PREX1: variants seen among roughly 807,000 people sequenced by gnomAD.
PREX1 encodes the protein phosphatidylinositol-3,4,5-trisphosphate dependent Rac exchange factor 1, also known as phosphatidylinositol 3,4,5-trisphosphate-dependent Rac exchanger 1 protein.
In PREX1, 41 loss-of-function variants were observed where a neutral mutation model predicts 198.3. The observed-to-expected ratio is 0.21, with a 90% CI of 0.16 to 0.27. PREX1 has a LOEUF of 0.27. PREX1 is among the 10% of genes least tolerant of loss of function. PREX1 has a pLI of 1.00. For missense variants in PREX1, 1,620 were observed against 2,200.7 expected (o/e 0.74, Z 5.28); for synonymous variants, 843 against 887.2 (o/e 0.95, Z 0.89).
intron 8 of PREX1, among the ~76,000 whole-genome samples, chr20:48,692,033 T>C (rs777581093): frequency 1.3e-5 from 2 of 152,024 alleles, no homozygotes; most frequent in Non-Finnish European, 2.9e-5. Flanking sequence ...GGGACCACAG[T>C]TGCACGCCAC....
At chr20:48,866,279 A>G in the PREX1 span, among the ~76,000 whole-genome samples, 3 of 152,208 alleles carry the variant, frequency 2.0e-5, no homozygotes, top group Non-Finnish European at 4.4e-5. Flanking sequence ...GCAGGTCCAA[A>G]TCAAAATGAG....
chr20:48,760,708 C>G (rs2090175588), intron 1 of PREX1, among the ~76,000 whole-genome samples: 1 of 152,102 alleles, frequency 6.6e-6, no homozygotes, highest in African/African-American at 2.4e-5. Flanking sequence ...GACAAGTCCT[C>G]TCCGAGTACC....
chr20:48,720,210 C>T (rs1456671876), intron 5 of PREX1, among the ~76,000 whole-genome samples: 1 of 152,178 alleles, frequency 6.6e-6, no homozygotes, highest in Non-Finnish European at 1.5e-5. Context: ...TTATCTAAAC[C>T]TGCAACCCCC....
At position 48,639,842 on chromosome 20, in the gene PREX1, A is replaced by C; in HGVS notation, c.3828T>G (p.Ile1276Met). The C allele has an allele frequency of 1.2e-6, 2 of 1,614,008 alleles. No homozygotes were observed. The highest frequency in any genetic ancestry group is 1.1e-5 in the South Asian group (1 of 91,082). ...GGTTCCAGGGGTCCTCCTGGATGCT[A>C]ATCTGGATCAGGCTCCGGCCACGGA... ...CTIRGRSLIQISIQEDPWNLP... is the reference protein window; with the variant it reads ...CTIRGRSLIQMSIQEDPWNLP... Residue 1276 changes from isoleucine (I) to methionine (M), a missense_variant, in exon 30 of 40, where the codon ATT (isoleucine) becomes ATG (methionine). Ile to Met is a conservative substitution (Grantham distance 10). Around this residue, in one of 7 missense-constraint regions of PREX1, gnomAD observed 476 missense variants for 603.4 expected, o/e 0.79. Coordinates refer to ENST00000371941, the MANE Select transcript of PREX1 (RefSeq NM_020820.4).
At chr20:48,803,662 TG>T (rs1429646999) in intron 1 of PREX1, among the ~76,000 whole-genome samples, 1 of 152,158 alleles carries the variant, frequency 6.6e-6, no homozygotes, top group Non-Finnish European at 1.5e-5. Context: ...TCTGATATCC[TG>T]GAAGTCGTGC....
At chr20:48,786,316 C>T (rs575237227) in intron 1 of PREX1, among the ~76,000 whole-genome samples, 1 of 152,284 alleles carries the variant, frequency 6.6e-6, no homozygotes, top group African/African-American at 2.4e-5. Flanking sequence ...AAGGGCTAGG[C>T]AAACCTACCC....
At chr20:48,770,639 T>C (rs1345978107) in intron 1 of PREX1, among the ~76,000 whole-genome samples, 2 of 151,932 alleles carry the variant, frequency 1.3e-5, no homozygotes, top group African/African-American at 2.4e-5. Flanking sequence ...AAACCTGGGA[T>C]GCAGAGGTTG....
intron 1 of PREX1, among the ~76,000 whole-genome samples, chr20:48,760,569 T>A (rs1196532162): frequency 6.6e-6 from 1 of 152,018 alleles, no homozygotes; most frequent in Admixed American, 6.5e-5. Flanking sequence ...GAGGTTTAAG[T>A]GAAATGATGC....
chr20:48,742,743 T>C lies in PREX1; in HGVS notation c.414+2282A>G, dbSNP rs369931281. Among the ~76,000 whole-genome samples, 55 of 152,106 alleles carry C rather than the reference T, an allele frequency of 3.6e-4. No individual in the cohort carries two copies. In the East Asian group the frequency reaches 9.7e-3, roughly 27 times the overall value. On this transcript the variant is annotated intron_variant, in intron 3 of 39. Transcript: ENST00000371941. ...CTCCCCGTCCCCAGCCCCCCAGCCC[T>C]CCGCTGCATCTCTGAGCAAGTCAGG... is the stretch of plus-strand genomic sequence containing the variant.
chr20:48,754,246 A>G (rs1180966870), intron 1 of PREX1, among the ~76,000 whole-genome samples: 1 of 152,210 alleles, frequency 6.6e-6, no homozygotes, highest in Non-Finnish European at 1.5e-5. Context: ...TCGAGGAGGC[A>G]GGCATTGTTA....
At chr20:48,632,954 G>A (rs966924044) in intron 33 of PREX1, among the ~76,000 whole-genome samples, 3 of 152,208 alleles carry the variant, frequency 2.0e-5, no homozygotes, top group Non-Finnish European at 4.4e-5. Context: ...CCTACTTAGG[G>A]GGTCCACAGC....
intron 35 of PREX1, 131 bp from the exon 36 acceptor site, chr20:48,630,925 C>CGCCTGCGGGTGAGCACA: frequency 1.4e-6 from 1 of 695,378 alleles, no homozygotes; most frequent in Non-Finnish European, 2.5e-6. Flanking sequence ...TCCCTGAGAG[C>CGCCTGCGGGTGAGCACA]GCCTGCAGGC....
chr20:48,812,026 G>C (rs2090438704), intron 1 of PREX1, among the ~76,000 whole-genome samples: 2 of 152,212 alleles, frequency 1.3e-5, no homozygotes, highest in Admixed American at 1.3e-4. Flanking sequence ...CGAGATGATT[G>C]GATGAGATGA....
intron 1 of PREX1, among the ~76,000 whole-genome samples, chr20:48,816,029 G>A (rs55676904): frequency 0.031 from 3,912 of 124,588 alleles, 203 homozygotes; most frequent in African/African-American, 0.11. Flanking sequence ...AGAAAAAAAG[G>A]AAAAAAAAAA....
intron 30 of PREX1, 129 bp from the exon 31 acceptor site, chr20:48,637,881 CCAAGGCTGTGCTCAAGGAGGTTTTAT>C: frequency 1.3e-6 from 1 of 742,984 alleles, no homozygotes; most frequent in Non-Finnish European, 2.2e-6. Context: ...GCCCTGGCAC[CCAAGGCTGTGCTCAAGGAGGTTTTAT>C]TGATTGTCAG....
chr20:48,794,620 G>A (rs112656163), intron 1 of PREX1, among the ~76,000 whole-genome samples: 2,848 of 152,230 alleles, frequency 0.019, 106 homozygotes, highest in African/African-American at 0.066. Context: ...GAGGCCGGCT[G>A]GTCAGGCTGG....
At chr20:48,846,049 G>A in the PREX1 span, among the ~76,000 whole-genome samples, 98 of 152,274 alleles carry the variant, frequency 6.4e-4, no homozygotes, top group African/African-American at 2.3e-3. Context: ...AGCACATTCC[G>A]TATATATTAA....
At chr20:48,851,436 G>T in the PREX1 span, among the ~76,000 whole-genome samples, 1 of 152,144 alleles carries the variant, frequency 6.6e-6, no homozygotes, top group Non-Finnish European at 1.5e-5. Flanking sequence ...GAACCCAGGA[G>T]GTGGAGGTTG....
chr20:48,711,149 G>C (rs1343127343), intron 5 of PREX1, among the ~76,000 whole-genome samples: 1 of 152,202 alleles, frequency 6.6e-6, no homozygotes, highest in Non-Finnish European at 1.5e-5. Context: ...CAAGAGCAGA[G>C]GGTGGCACAG....
Sources: allele counts gnomAD v4.1 joint callset (sites outside exome capture counted in the v4.1 genomes callset), GRCh38; gene constraint gnomAD v4.1.1; regional missense constraint gnomAD v4.1.1; transcripts MANE v1.5; gene names NCBI Gene and HGNC (gene_info 2026-07-23, HGNC 2026-07-21).